Variants in FGF12 observed in about 807,000 individuals in gnomAD.
FGF12 encodes the protein fibroblast growth factor 12.
A neutral mutation model predicts 23.6 loss-of-function variants in FGF12; 14 were observed. That is an observed-to-expected ratio of 0.59 (90% CI 0.39 to 0.93). The LOEUF is 0.93. Among genes scored for constraint, FGF12 ranks in the 40% least tolerant of loss-of-function variants. The probability of loss-of-function intolerance (pLI) is 0.00; values close to 1 mark genes in which losing one functional copy is unlikely to be tolerated. For synonymous variants in FGF12, 62 were observed against 77.3 expected (o/e 0.80, Z 1.04); for missense variants, 175 against 217.8 (o/e 0.80, Z 1.24).
intron 4 of FGF12, among the ~76,000 whole-genome samples, chr3:192,273,616 T>A (rs995495085): frequency 6.6e-6 from 1 of 152,128 alleles, no homozygotes; most frequent in African/African-American, 2.4e-5. Context: ...CTCAAGGTGG[T>A]AAATATTCTT....
chr3:192,626,888 A>G (rs1409244184), intron 2 of FGF12, among the ~76,000 whole-genome samples: 1 of 152,190 alleles, frequency 6.6e-6, no homozygotes, highest in Non-Finnish European at 1.5e-5. Context: ...GGTTACAGGC[A>G]TGAGCACTAT....
Position 192,493,269 on chromosome 3 carries a change from T to G in FGF12, c.14-132731A>C, listed in dbSNP as rs1460674682. On this transcript the variant is annotated intron_variant, in intron 2 of 5. Coordinates refer to ENST00000445105, the MANE Select transcript of FGF12 (RefSeq NM_004113.6). ...GACTAAATTATCTCTAAAGATTCTC[T>G]CTGCAACATCAATCTGTGAGTCTAC... Among the ~76,000 whole-genome samples the G allele has an allele frequency of 2.0e-5, 3 of 152,136 alleles. No individual in the cohort carries two copies. The East Asian group carries it at 5.8e-4, about 29-fold the overall frequency.
At chr3:192,304,893 T>C (rs1217009938) in intron 4 of FGF12, among the ~76,000 whole-genome samples, 1 of 152,218 alleles carries the variant, frequency 6.6e-6, no homozygotes, top group African/African-American at 2.4e-5. Flanking sequence ...AGAATTTTTG[T>C]TTCATTGTTT....
At chr3:192,355,013 A>C (rs1010752553) in intron 3 of FGF12, among the ~76,000 whole-genome samples, 2 of 152,160 alleles carry the variant, frequency 1.3e-5, no homozygotes, top group African/African-American at 4.8e-5. Flanking sequence ...ACCAACTAAA[A>C]CCAAAAGTTT....
intron 2 of FGF12, among the ~76,000 whole-genome samples, chr3:192,495,500 T>C (rs1331069342): frequency 6.6e-6 from 1 of 152,174 alleles, no homozygotes; most frequent in African/African-American, 2.4e-5. Context: ...TTATCAATCA[T>C]AAAGTGTTTT....
chr3:192,307,294 T>C (rs1378058124), intron 4 of FGF12, among the ~76,000 whole-genome samples: 2 of 152,210 alleles, frequency 1.3e-5, no homozygotes, highest in African/African-American at 4.8e-5. Context: ...ATGTTATCTA[T>C]GATGCCAGAT....
chr3:192,248,374 C>A (rs1711777142), intron 4 of FGF12, among the ~76,000 whole-genome samples: 1 of 152,158 alleles, frequency 6.6e-6, no homozygotes. Flanking sequence ...ATCCTGACAT[C>A]TTCAAGTTAT....
intron 2 of FGF12, among the ~76,000 whole-genome samples, chr3:192,676,942 C>T (rs1042540258): frequency 3.3e-5 from 5 of 152,138 alleles, no homozygotes; most frequent in Non-Finnish European, 7.3e-5. Context: ...TTATTGAAGC[C>T]GCTCAGTTTG....
At chr3:192,316,746 A>G (rs535354342) in intron 4 of FGF12, among the ~76,000 whole-genome samples, 7 of 152,272 alleles carry the variant, frequency 4.6e-5, no homozygotes, top group Non-Finnish European at 1.0e-4. Context: ...CATGTGACCT[A>G]GTGAGACACC....
chr3:192,292,407 T>C (rs1487518968), intron 4 of FGF12, among the ~76,000 whole-genome samples: 1 of 152,158 alleles, frequency 6.6e-6, no homozygotes. Context: ...CGTGATAATT[T>C]ACTTTAGGAC....
At chr3:192,501,550 T>A (rs1383997702) in intron 2 of FGF12, among the ~76,000 whole-genome samples, 1 of 152,196 alleles carries the variant, frequency 6.6e-6, no homozygotes, top group Non-Finnish European at 1.5e-5. Context: ...TAGGGCTAGT[T>A]AGCGTAATAG....
At chr3:192,273,745 T>TA (rs1367680426) in intron 4 of FGF12, among the ~76,000 whole-genome samples, 1 of 152,152 alleles carries the variant, frequency 6.6e-6, no homozygotes, top group African/African-American at 2.4e-5. Context: ...ACTTCTTCTT[T>TA]AAAAAATGCT....
At chr3:192,607,665 C>T (rs551197329) in intron 2 of FGF12, among the ~76,000 whole-genome samples, 1 of 152,122 alleles carries the variant, frequency 6.6e-6, no homozygotes, top group African/African-American at 2.4e-5. Flanking sequence ...ATGATTATTA[C>T]TCTTGTTACT....
chr3:192,179,102 T>C (rs1158384919), intron 4 of FGF12, among the ~76,000 whole-genome samples: 1 of 152,126 alleles, frequency 6.6e-6, no homozygotes, highest in Non-Finnish European at 1.5e-5. Flanking sequence ...GCAAGAGAAA[T>C]ATTGTTTTCC....
intron 2 of FGF12, among the ~76,000 whole-genome samples, chr3:192,533,081 G>A (rs1725133046): frequency 6.6e-6 from 1 of 152,146 alleles, no homozygotes; most frequent in African/African-American, 2.4e-5. Flanking sequence ...ATTTAAAATA[G>A]CGTGTGCTCA....
intron 2 of FGF12, among the ~76,000 whole-genome samples, chr3:192,381,301 G>A (rs1179637582): frequency 3.9e-5 from 6 of 152,100 alleles, no homozygotes; most frequent in Non-Finnish European, 7.3e-5. Context: ...CAAAGACCAC[G>A]TACATTCTGA....
chr3:192,158,348 T>G (rs951658716), intron 5 of FGF12, among the ~76,000 whole-genome samples: 2 of 95,904 alleles, frequency 2.1e-5, no homozygotes, highest in Admixed American at 2.2e-4. Flanking sequence ...CTTTCTTTCT[T>G]TCTTTCTTTC....
intron 2 of FGF12, among the ~76,000 whole-genome samples, chr3:192,413,880 T>G (rs1721269549): frequency 6.6e-6 from 1 of 152,222 alleles, no homozygotes; most frequent in Non-Finnish European, 1.5e-5. Flanking sequence ...ATAAAGTAGC[T>G]GTATTTCCAC....
chr3:192,636,723 G>A (rs1715598017), intron 2 of FGF12, among the ~76,000 whole-genome samples: 4 of 152,218 alleles, frequency 2.6e-5, no homozygotes, highest in African/African-American at 9.6e-5. Flanking sequence ...GTCAGCAGAG[G>A]TGACTTCAGG....
Sources: allele counts gnomAD v4.1 joint callset (sites outside exome capture counted in the v4.1 genomes callset), GRCh38; gene constraint gnomAD v4.1.1; transcripts MANE v1.5; gene names NCBI Gene and HGNC (gene_info 2026-07-23, HGNC 2026-07-21).